QTGAL: variants seen among roughly 807,000 people sequenced by gnomAD.
The protein encoded by QTGAL is BGnT-like protein 1.
chr17:83,007,129 T>A, the QTGAL span: 1 of 822,894 alleles, frequency 1.2e-6, no homozygotes, highest in Non-Finnish European at 1.5e-6. Context: ...TGTATTTTGC[T>A]CATTTTCTAA....
chr17:83,034,995 G>A, the QTGAL span: 1 of 1,454,630 alleles, frequency 6.9e-7, no homozygotes, highest in South Asian at 1.2e-5. Context: ...CAACCAACAT[G>A]TACACATTTA....
chr17:83,004,833 C>T, the QTGAL span, among the ~76,000 whole-genome samples: 1 of 152,096 alleles, frequency 6.6e-6, no homozygotes. Flanking sequence ...TTACTGAGCT[C>T]ACCCTCCCGC....
the QTGAL span, among the ~76,000 whole-genome samples, chr17:82,972,990 G>A: frequency 2.6e-5 from 4 of 152,226 alleles, no homozygotes; most frequent in Admixed American, 2.0e-4. Flanking sequence ...GTTCTGGAAC[G>A]CTTCCCCGAA....
At chr17:83,043,961 C>A in the QTGAL span, among the ~76,000 whole-genome samples, 7 of 137,218 alleles carry the variant, frequency 5.1e-5, no homozygotes, top group African/African-American at 1.9e-4. Context: ...AAAATCTCAA[C>A]ACACCTATAA....
At chr17:83,014,350 A>T in the QTGAL span, 1 of 1,277,308 alleles carries the variant, frequency 7.8e-7, no homozygotes, top group Non-Finnish European at 1.1e-6. Context: ...TGACAGTCTC[A>T]CCATAGCCTG....
At chr17:82,998,943 C>A in the QTGAL span, among the ~76,000 whole-genome samples, 1 of 138,338 alleles carries the variant, frequency 7.2e-6, no homozygotes. Context: ...CCACTACATA[C>A]CTACTAGATT....
chr17:82,950,750 C>T, the QTGAL span, among the ~76,000 whole-genome samples: 3 of 152,346 alleles, frequency 2.0e-5, no homozygotes, highest in African/African-American at 7.2e-5. Flanking sequence ...ACATCAGCCT[C>T]AGAGCTCCTG....
the QTGAL span, among the ~76,000 whole-genome samples, chr17:82,956,470 A>G: frequency 6.6e-6 from 1 of 152,128 alleles, no homozygotes; most frequent in African/African-American, 2.4e-5. The surrounding 1 kb of genome is among the most constrained non-coding windows in gnomAD (Gnocchi z 5.7). Context: ...CCCCACACCC[A>G]TGCAGGCCAC....
chr17:83,046,607 G>A, the QTGAL span, among the ~76,000 whole-genome samples: 6 of 152,304 alleles, frequency 3.9e-5, no homozygotes, highest in East Asian at 1.2e-3. Flanking sequence ...GTAGAAATTG[G>A]AACGTTCATA....
At chr17:83,019,282 A>G in the QTGAL span, among the ~76,000 whole-genome samples, 1 of 152,240 alleles carries the variant, frequency 6.6e-6, no homozygotes, top group Admixed American at 6.5e-5. Context: ...GAACGGTTCA[A>G]ATAAAATGGC....
chr17:83,019,887 C>A, the QTGAL span, among the ~76,000 whole-genome samples: 1 of 152,124 alleles, frequency 6.6e-6, no homozygotes, highest in Non-Finnish European at 1.5e-5. Context: ...GCGCCCACCA[C>A]CACACCTGGC....
At chr17:82,968,782 T>C in the QTGAL span, among the ~76,000 whole-genome samples, 119,836 of 151,786 alleles carry the variant, frequency 0.79, 47,599 homozygotes, top group East Asian at 0.88. Flanking sequence ...GGCGGATCAC[T>C]TGAGGTCGGG....
At chr17:82,976,591 A>G in the QTGAL span, among the ~76,000 whole-genome samples, 4 of 84,560 alleles carry the variant, frequency 4.7e-5, 2 homozygotes, top group African/African-American at 2.7e-4. Flanking sequence ...GCCCCGGGAC[A>G]GAGCCGGACT....
chr17:83,006,243 A>C, the QTGAL span: 1 of 985,588 alleles, frequency 1.0e-6, no homozygotes, highest in South Asian at 4.7e-5. This position sits in a 1 kb window ranked among gnomAD's most constrained non-coding sequence, Gnocchi z 5.8. Context: ...ATGAAGTCAC[A>C]CCGAGGCATC....
the QTGAL span, among the ~76,000 whole-genome samples, chr17:82,994,808 G>A: frequency 1.6e-3 from 248 of 152,234 alleles, no homozygotes; most frequent in Admixed American, 3.9e-3. Context: ...CTAGCAAACC[G>A]AATTCAACAA....
the QTGAL span, among the ~76,000 whole-genome samples, chr17:82,961,944 G>A: frequency 6.6e-6 from 1 of 150,640 alleles, no homozygotes. Flanking sequence ...CTTGTGTGGA[G>A]CCGGGCCCCT....
At chr17:83,008,143 C>T in the QTGAL span, among the ~76,000 whole-genome samples, 2 of 143,310 alleles carry the variant, frequency 1.4e-5, no homozygotes, top group African/African-American at 5.1e-5. Flanking sequence ...ATTCTCAGGG[C>T]AGGAGCTTTT....
the QTGAL span, among the ~76,000 whole-genome samples, chr17:82,952,763 A>G: frequency 6.6e-6 from 1 of 152,216 alleles, no homozygotes; most frequent in East Asian, 1.9e-4. Flanking sequence ...TCTCAGCACC[A>G]CACAGCACTT....
the QTGAL span, among the ~76,000 whole-genome samples, chr17:82,955,206 A>G: frequency 2.6e-5 from 4 of 152,220 alleles, no homozygotes; most frequent in African/African-American, 9.6e-5. Context: ...AATGGGAGAA[A>G]ATTTCTGCAA....
Sources: allele counts gnomAD v4.1 joint callset (sites outside exome capture counted in the v4.1 genomes callset), GRCh38; gene constraint gnomAD v4.1.1; non-coding constraint Gnocchi (gnomAD v3.1); transcripts MANE v1.5; gene names NCBI Gene and HGNC (gene_info 2026-07-23, HGNC 2026-07-21).